FNDC1: variants seen among roughly 807,000 people sequenced by gnomAD.
The protein encoded by FNDC1 is fibronectin type III domain-containing protein 1.
FNDC1 carries 96 observed loss-of-function variants against 168.0 expected under a neutral mutation model. The ratio of observed to expected loss-of-function variants is 0.57; its 90% CI spans 0.48 to 0.68. The LOEUF (loss-of-function observed/expected upper bound fraction) is 0.68, where lower values mean the gene tolerates loss of function less well. Ranked by LOEUF, FNDC1 falls within the 30% of genes least tolerant of loss-of-function variation. FNDC1 has a pLI of 0.00. For synonymous variants in FNDC1, 1,099 were observed against 1,025.9 expected (o/e 1.07, Z -1.36); for missense variants, 2,587 against 2,482.1 (o/e 1.04, Z -0.90).
At chr6:159,264,118 A>G (rs1278432915) in intron 19 of FNDC1, among the ~76,000 whole-genome samples, 1 of 152,236 alleles carries the variant, frequency 6.6e-6, no homozygotes, top group Non-Finnish European at 1.5e-5. Context: ...CTTGAAGTGT[A>G]CATCTTAATG....
chr6:159,224,302 T>TTTATGTTAAAAG (rs1222973215), intron 7 of FNDC1, among the ~76,000 whole-genome samples: 1 of 152,188 alleles, frequency 6.6e-6, no homozygotes, highest in Non-Finnish European at 1.5e-5. Context: ...TGAACATCAT[T>TTTATGTTAAAAG]TCTAGTTAGT....
chr6:159,263,251 G>A (rs902071160), intron 19 of FNDC1, among the ~76,000 whole-genome samples: 1 of 152,138 alleles, frequency 6.6e-6, no homozygotes, highest in South Asian at 2.1e-4. Flanking sequence ...GGATAGCAGA[G>A]GACATCAGAA....
At chr6:159,195,138 G>C (rs1782218128) in intron 1 of FNDC1, among the ~76,000 whole-genome samples, 1 of 152,064 alleles carries the variant, frequency 6.6e-6, no homozygotes. Context: ...GTTGCCTGTA[G>C]GGTTTTGTTT....
intron 18 of FNDC1, among the ~76,000 whole-genome samples, chr6:159,258,699 G>A (rs1409608631): frequency 1.3e-5 from 2 of 152,172 alleles, no homozygotes; most frequent in Non-Finnish European, 2.9e-5. Flanking sequence ...TGGTAGAGAC[G>A]CTGGCAGCTC....
intron 1 of FNDC1, among the ~76,000 whole-genome samples, chr6:159,192,488 T>C (rs1489542945): frequency 6.6e-6 from 1 of 152,222 alleles, no homozygotes; most frequent in Admixed American, 6.5e-5. Flanking sequence ...CAGAGTTCCC[T>C]TGAGAGGAAG....
intron 18 of FNDC1, among the ~76,000 whole-genome samples, chr6:159,258,636 C>A (rs1027024574): frequency 6.6e-6 from 1 of 152,198 alleles, no homozygotes; most frequent in African/African-American, 2.4e-5. Flanking sequence ...AGAGGAGGAG[C>A]AGCAGCTGCT....
In FNDC1 at chr6:159,226,550, G is replaced by A; in HGVS notation, c.1150G>A (p.Ala384Thr). 6.2e-7 allele frequency: 1 copy of A among 1,609,160 alleles called. No individual in the cohort carries two copies. The highest frequency in any genetic ancestry group is 8.5e-7 in the Non-Finnish European group (1 of 1,177,682). Reference protein sequence around the residue: ...KPTVVAASWDALPETEGKVKE... With the variant: ...KPTVVAASWDTLPETEGKVKE... ...TACAGTTGTCGCTGCATCTTGGGAT[G>A]CGCTACCAGAGACTGAGGGGAAAGT... Residue 384 changes from alanine to threonine, a missense_variant, in exon 9 of 23, where the codon GCG becomes ACG. Physicochemically the swap from Ala to Thr is moderately conservative, Grantham distance 58. Transcript: ENST00000297267.
chr6:159,186,028 G>A (rs1185221071), intron 1 of FNDC1, among the ~76,000 whole-genome samples: 4 of 152,192 alleles, frequency 2.6e-5, no homozygotes, highest in African/African-American at 9.7e-5. Context: ...AACATCTTGA[G>A]GGATAAGGGA....
intron 19 of FNDC1, among the ~76,000 whole-genome samples, chr6:159,264,415 G>C (rs1310620505): frequency 6.6e-6 from 1 of 152,174 alleles, no homozygotes; most frequent in African/African-American, 2.4e-5. Context: ...TGTATCAGTA[G>C]TTCACTCTGT....
chr6:159,228,171 G>A lies in FNDC1; in HGVS notation c.1180+1591G>A, dbSNP rs556515066. ...GAGTTGATATTTACAGTTCCTTGGC[G>A]AAAGAAGTTCCATGGTAGTCAATTA... On this transcript the variant is annotated intron_variant, in intron 9 of 22. Transcript: ENST00000297267. Among the ~76,000 whole-genome samples the A allele has an allele frequency of 8.5e-5, 13 of 152,246 alleles. 1 individual carries two copies. In the South Asian group the frequency reaches 2.7e-3, roughly 32 times the overall value.
chr6:159,200,484 A>G (rs1470106867), intron 3 of FNDC1, 29 bp from the exon 4 acceptor site: 11 of 1,558,024 alleles, frequency 7.1e-6, no homozygotes, highest in African/African-American at 6.7e-5. Flanking sequence ...CCTCGTTTCT[A>G]ACTATCAAGT....
chr6:159,189,468 A>G (rs753515997), intron 1 of FNDC1, among the ~76,000 whole-genome samples: 7 of 152,214 alleles, frequency 4.6e-5, no homozygotes, highest in Non-Finnish European at 1.0e-4. Flanking sequence ...AATGATGTGT[A>G]TTCTTTCCAC....
intron 10 of FNDC1, among the ~76,000 whole-genome samples, chr6:159,230,381 A>G (rs1783055756): frequency 1.3e-5 from 2 of 152,288 alleles, no homozygotes; most frequent in South Asian, 2.1e-4. Flanking sequence ...TTAGTTTGCA[A>G]AAGCAGAAAG....
chr6:159,199,734 A>G (rs573919491), intron 2 of FNDC1, among the ~76,000 whole-genome samples: 1 of 152,316 alleles, frequency 6.6e-6, no homozygotes, highest in South Asian at 2.1e-4. Flanking sequence ...TGATGAATCC[A>G]GGTTTATTAC....
chr6:159,267,991 A>G (rs994926482), intron 22 of FNDC1, 65 bp downstream of exon 22: 5 of 1,530,620 alleles, frequency 3.3e-6, no homozygotes, highest in Non-Finnish European at 3.6e-6. Context: ...ATAGAGGGGG[A>G]AAATCCACAG....
At chr6:159,185,074 G>GC (rs917315287) in intron 1 of FNDC1, among the ~76,000 whole-genome samples, 7 of 97,650 alleles carry the variant, frequency 7.2e-5, no homozygotes, top group East Asian at 8.0e-4. Flanking sequence ...GGGTGGGGGG[G>GC]GGGGAATCTT....
intron 6 of FNDC1, among the ~76,000 whole-genome samples, chr6:159,223,238 T>C (rs444260): frequency 0.38 from 58,249 of 151,952 alleles, 14,272 homozygotes; most frequent in East Asian, 0.73. Context: ...CCTCGTGATC[T>C]GCCCGCCTCG....
rs750817263 is a variant in FNDC1, at chr6:159,233,918, G to A, written c.3406G>A (p.Ala1136Thr). 1.0e-4 allele frequency: 155 copies of A among 1,548,724 alleles called. No individual in the cohort carries two copies. Among genetic ancestry groups the A allele is most frequent in the Non-Finnish European group, 1.3e-4 (146 of 1,146,064 alleles). The change falls in exon 11 of 23, where the codon GCC (alanine) becomes ACC (threonine). Residue 1136 changes from alanine to threonine, a missense_variant. By Grantham distance (58) the Ala-to-Thr change is moderately conservative. Coordinates refer to ENST00000297267, the MANE Select transcript of FNDC1 (RefSeq NM_032532.3). This position sits in a 1 kb window ranked among gnomAD's most constrained non-coding sequence, Gnocchi z 4.6. Reference protein sequence around the residue: ...RSQRGHAASPARPSRPGGPQS... With the variant: ...RSQRGHAASPTRPSRPGGPQS... The stretch of plus-strand genomic sequence containing the variant: ...CCAGCGCGGACATGCGGCCTCCCCC[G>A]CCAGGCCCAGCCGACCCGGCGGCCC...
chr6:159,195,832 G>C lies in FNDC1; in HGVS notation c.110-1599G>C, dbSNP rs1025919008. ...CTCACATTTTAGAATGTCTATTCAA[G>C]ATCTCACTTTTCTTGAGGGAGATTT... On this transcript the variant is annotated intron_variant, in intron 1 of 22. Coordinates refer to ENST00000297267, the MANE Select transcript of FNDC1 (RefSeq NM_032532.3). 1.4e-3 allele frequency among the ~76,000 whole-genome samples: 210 copies of C among 152,170 alleles called. 1 individual carries two copies. The highest frequency in any genetic ancestry group is 2.6e-4 in the Non-Finnish European group (18 of 68,032).
Sources: gnomAD v4.1 joint callset for allele counts (sites outside exome capture counted in the v4.1 genomes callset) on GRCh38, gnomAD v4.1.1 for gene constraint, Gnocchi (gnomAD v3.1) non-coding constraint, MANE v1.5 for transcripts, NCBI Gene and HGNC (gene_info 2026-07-23, HGNC 2026-07-21) for gene names.